The following SDC2 variants were observed in gnomAD, a reference collection of about 807,000 sequenced individuals.
SDC2 encodes the protein syndecan-2.
Under a neutral mutation model 22.2 loss-of-function variants are expected in SDC2, and 13 were observed. The ratio of observed to expected loss-of-function variants is 0.59; its 90% CI spans 0.38 to 0.93. The LOEUF is 0.93. Among genes scored for constraint, SDC2 ranks in the 40% least tolerant of loss-of-function variants. The pLI is 0.00. For missense variants in SDC2, 235 were observed against 246.8 expected (o/e 0.95, Z 0.32); for synonymous variants, 94 against 92.8 (o/e 1.01, Z -0.07).
At chr8:96,500,487 C>T (rs1200894987) in intron 1 of SDC2, among the ~76,000 whole-genome samples, 1 of 151,800 alleles carries the variant, frequency 6.6e-6, no homozygotes, top group East Asian at 1.9e-4. Context: ...CATGGTGAAA[C>T]CCCGTCTCTA....
chr8:96,494,119 C>G lies in SDC2; in HGVS notation c.-153C>G. ...CGCAGGAGGAGGAAGCGAGCGCCCC[C>G]GAGCCCCGAGCCCGAGTCCCCGAGC... On this transcript the variant is annotated 5_prime_UTR_variant, in exon 1 of 5. Transcript: ENST00000302190. 1 of 709,808 alleles carries G rather than the reference C, an allele frequency of 1.4e-6. No homozygotes were observed. Among genetic ancestry groups the G allele is most frequent in the African/African-American group, 1.9e-5 (1 of 52,468 alleles). 44.0% of individuals were successfully genotyped at this position (709,808 alleles called of 1,614,324 possible). A position where few individuals can be genotyped will look rare whatever the true frequency, so the allele number is the denominator to read the frequency against.
chr8:96,497,709 G>C (rs1019724699), intron 1 of SDC2, among the ~76,000 whole-genome samples: 1 of 152,088 alleles, frequency 6.6e-6, no homozygotes, highest in Non-Finnish European at 1.5e-5. Flanking sequence ...CAGTCACACA[G>C]AGCCCCACCA....
chr8:96,581,849 A>G (rs1476012236), intron 1 of SDC2, among the ~76,000 whole-genome samples: 1 of 152,192 alleles, frequency 6.6e-6, no homozygotes, highest in Non-Finnish European at 1.5e-5. Flanking sequence ...TACTGTCCAC[A>G]GGTTTCCTTT....
At chr8:96,595,502 AC>A (rs1814858137) in intron 2 of SDC2, among the ~76,000 whole-genome samples, 1 of 142,834 alleles carries the variant, frequency 7.0e-6, no homozygotes, top group Non-Finnish European at 1.5e-5. Flanking sequence ...CACTCATGGC[AC>A]CTCTTTTTTT....
intron 1 of SDC2, among the ~76,000 whole-genome samples, chr8:96,514,037 G>T (rs866374365): frequency 2.2e-4 from 34 of 152,142 alleles, no homozygotes; most frequent in African/African-American, 7.7e-4. Context: ...TGATAACTTG[G>T]TCTGACTGAG....
chr8:96,527,433 C>G (rs1813595529), intron 1 of SDC2, among the ~76,000 whole-genome samples: 1 of 152,240 alleles, frequency 6.6e-6, no homozygotes, highest in South Asian at 2.1e-4. Flanking sequence ...GCACAGTTCT[C>G]TCTCTCTCTG....
chr8:96,574,196 C>G (rs1814449307), intron 1 of SDC2, among the ~76,000 whole-genome samples: 1 of 151,980 alleles, frequency 6.6e-6, no homozygotes, highest in Non-Finnish European at 1.5e-5. Context: ...TAGGGGGTCT[C>G]GCAAGTCTCT....
rs764926768 is a variant in SDC2 at position 96,530,462 on chromosome 8, C to T, written c.60+36131C>T. 4.6e-5 allele frequency among the ~76,000 whole-genome samples: 7 copies of T among 152,164 alleles called. No individual in the cohort carries two copies. In the East Asian group the frequency reaches 1.4e-3, roughly 29 times the overall value. On this transcript the variant is annotated intron_variant, in intron 1 of 4. Transcript: ENST00000302190. ...CAGCCTGGCCAACATGGTGAAACCC[C>T]GTCTCTACTAAAAATATAAAAATTA...
At chr8:96,529,483 C>T (rs549349184) in intron 1 of SDC2, among the ~76,000 whole-genome samples, 2 of 152,258 alleles carry the variant, frequency 1.3e-5, no homozygotes, top group Non-Finnish European at 2.9e-5. Flanking sequence ...TCCATGAGTA[C>T]GAGTGACGGC....
chr8:96,508,322 A>G (rs1227121392), intron 1 of SDC2, among the ~76,000 whole-genome samples: 1 of 145,254 alleles, frequency 6.9e-6, no homozygotes, highest in Non-Finnish European at 1.5e-5. Context: ...AATAATAATA[A>G]TAATAATAAT....
chr8:96,565,084 A>ATTTTTTTTTTT lies in SDC2; in HGVS notation c.61-28391_61-28381dup, dbSNP rs11304418. ...GATCACTGAGACCATCCTAAATTTG[A>ATTTTTTTTTTT]TTTTTTTTTTTTTTTGTTGAGATGG... On this transcript the variant is annotated intron_variant, in intron 1 of 4. Transcript: ENST00000302190. Among the ~76,000 whole-genome samples the ATTTTTTTTTTT allele has an allele frequency of 0.013, 851 of 67,660 alleles. 97 individuals carry two copies. The East Asian group carries it at 0.13, about 11-fold the overall frequency. The allele number at this position is 67,660 out of a possible 152,430, so 44.4% of individuals were successfully genotyped here.
At chr8:96,577,870 C>T (rs1586310650) in intron 1 of SDC2, among the ~76,000 whole-genome samples, 2 of 152,162 alleles carry the variant, frequency 1.3e-5, no homozygotes, top group South Asian at 2.1e-4. Flanking sequence ...TTTCACTTAG[C>T]GATGTGCCTT....
intron 1 of SDC2, among the ~76,000 whole-genome samples, chr8:96,501,597 T>C (rs2130422950): frequency 6.6e-6 from 1 of 152,202 alleles, no homozygotes; most frequent in Middle Eastern, 3.4e-3. Context: ...CGTGAGCCAC[T>C]GCAACCAGCT....
intron 1 of SDC2, among the ~76,000 whole-genome samples, chr8:96,541,636 T>C (rs1813852440): frequency 6.6e-6 from 1 of 151,788 alleles, no homozygotes; most frequent in African/African-American, 2.4e-5. Flanking sequence ...ATGAGGTACC[T>C]AGAGTAGTCA....
At chr8:96,505,488 G>A (rs1813225471) in intron 1 of SDC2, among the ~76,000 whole-genome samples, 1 of 152,076 alleles carries the variant, frequency 6.6e-6, no homozygotes, top group African/African-American at 2.4e-5. Flanking sequence ...TTTTAGTAGA[G>A]ACAGGGTTTC....
At chr8:96,603,877 C>T (rs377647108) in intron 3 of SDC2, among the ~76,000 whole-genome samples, 4 of 152,184 alleles carry the variant, frequency 2.6e-5, no homozygotes, top group South Asian at 2.1e-4. Context: ...GAACTGAGAC[C>T]GACTCACCTG....
intron 1 of SDC2, among the ~76,000 whole-genome samples, chr8:96,528,640 A>C (rs1036114022): frequency 6.6e-6 from 1 of 152,234 alleles, no homozygotes; most frequent in Non-Finnish European, 1.5e-5. Flanking sequence ...TTAGTTTCAT[A>C]ATGTTGTTTT....
At chr8:96,591,793 G>C (rs1391305691) in intron 1 of SDC2, among the ~76,000 whole-genome samples, 6 of 151,956 alleles carry the variant, frequency 3.9e-5, no homozygotes, top group African/African-American at 2.4e-5. Flanking sequence ...TTTTTCATGG[G>C]AGCACGAATG....
intron 1 of SDC2, among the ~76,000 whole-genome samples, chr8:96,574,746 A>G (rs1042746896): frequency 6.6e-6 from 1 of 152,166 alleles, no homozygotes; most frequent in Non-Finnish European, 1.5e-5. Flanking sequence ...AATGCCTCCT[A>G]TCTTTATTTT....
Sources: gnomAD v4.1 joint callset for allele counts (sites outside exome capture counted in the v4.1 genomes callset) on GRCh38, gnomAD v4.1.1 for gene constraint, MANE v1.5 for transcripts, NCBI Gene and HGNC (gene_info 2026-07-23, HGNC 2026-07-21) for gene names.